Variants in MAGI1 observed in about 807,000 individuals in gnomAD.
MAGI1 encodes the protein membrane-associated guanylate kinase, WW and PDZ domain-containing protein 1.
MAGI1 carries 58 observed loss-of-function variants against 139.9 expected under a neutral mutation model. That is an observed-to-expected ratio of 0.41 (90% CI 0.34 to 0.52). The LOEUF is 0.52. Ranked by LOEUF, MAGI1 falls within the 20% of genes least tolerant of loss-of-function variation. The pLI is 0.12. For missense variants in MAGI1, 1,874 were observed against 1,901.6 expected (o/e 0.99, Z 0.27); for synonymous variants, 812 against 737.9 (o/e 1.10, Z -1.63).
intron 2 of MAGI1, among the ~76,000 whole-genome samples, chr3:65,524,179 T>C (rs973918073): frequency 6.6e-6 from 1 of 152,212 alleles, no homozygotes; most frequent in African/African-American, 2.4e-5. Context: ...ACGAACATTT[T>C]ACTATGTACT....
At chr3:65,671,001 A>AT (rs1331832934) in intron 1 of MAGI1, among the ~76,000 whole-genome samples, 2 of 152,208 alleles carry the variant, frequency 1.3e-5, no homozygotes, top group Admixed American at 1.3e-4. Flanking sequence ...AAACTCATGA[A>AT]TTGTAATGAT....
At chr3:65,817,672 A>G (rs1289009300) in intron 1 of MAGI1, among the ~76,000 whole-genome samples, 1 of 152,228 alleles carries the variant, frequency 6.6e-6, no homozygotes, top group Non-Finnish European at 1.5e-5. Context: ...GAAAATGTGT[A>G]AAATGTGCTC....
At chr3:65,696,682 A>C (rs1418863482) in intron 1 of MAGI1, among the ~76,000 whole-genome samples, 1 of 152,134 alleles carries the variant, frequency 6.6e-6, no homozygotes, top group Non-Finnish European at 1.5e-5. Context: ...CAATACAATA[A>C]AATAAAATAA....
At chr3:65,823,414 ATACATAG>A (rs2108263477) in intron 1 of MAGI1, among the ~76,000 whole-genome samples, 1 of 152,342 alleles carries the variant, frequency 6.6e-6, no homozygotes, top group South Asian at 2.1e-4. Flanking sequence ...ACAGTTCCTA[ATACATAG>A]TAGGAGCTCA....
intron 13 of MAGI1, among the ~76,000 whole-genome samples, chr3:65,393,870 C>T (rs375607200): frequency 1.3e-5 from 2 of 152,264 alleles, no homozygotes; most frequent in South Asian, 4.1e-4. Context: ...AGTTTCTGTT[C>T]CATTGTCTTC....
intron 14 of MAGI1, among the ~76,000 whole-genome samples, chr3:65,384,459 G>A (rs1166258384): frequency 6.6e-6 from 1 of 152,188 alleles, no homozygotes; most frequent in African/African-American, 2.4e-5. Flanking sequence ...TATATAGGAG[G>A]TGGGGTGCAG....
chr3:65,819,153 G>T (rs1044594900), intron 1 of MAGI1, among the ~76,000 whole-genome samples: 1 of 152,054 alleles, frequency 6.6e-6, no homozygotes, highest in Non-Finnish European at 1.5e-5. Context: ...GTGTGTTGGA[G>T]CATGCCTATA....
chr3:65,860,858 A>G (rs569459938), intron 1 of MAGI1, among the ~76,000 whole-genome samples: 2 of 152,178 alleles, frequency 1.3e-5, no homozygotes, highest in South Asian at 4.1e-4. Flanking sequence ...AACAAACAAT[A>G]ATCATTATTT....
intron 1 of MAGI1, among the ~76,000 whole-genome samples, chr3:65,931,425 C>T (rs1576123218): frequency 1.3e-5 from 2 of 152,162 alleles, no homozygotes; most frequent in South Asian, 2.1e-4. Context: ...AGGTCTAGAT[C>T]GAGACCCCTT....
Position 65,610,865 on chromosome 3 carries a change from T to TATATAGTAGATAGTA in MAGI1, c.430+11092_430+11106dup, listed in dbSNP as rs1359518023. 2.3e-3 allele frequency among the ~76,000 whole-genome samples: 324 copies of TATATAGTAGATAGTA among 139,660 alleles called. 5 individuals carry two copies. The highest frequency in any genetic ancestry group is 0.019 in the Admixed American group (258 of 13,422). 91.6% of individuals were successfully genotyped at this position (139,660 alleles called of 152,430 possible). ...TATATACTATATAGTACATATACACTATATAGTAGATAGTAATATAGTAGA... is the reference window on the plus strand; with the variant it reads ...TATATACTATATAGTACATATACACTATATAGTAGATAGTAATATAGTAGATAGTAATATAGTAGA... On this transcript the variant is annotated intron_variant, in intron 2 of 22. Transcript: ENST00000402939.
chr3:65,785,083 A>G (rs981335112), intron 1 of MAGI1, among the ~76,000 whole-genome samples: 12 of 152,332 alleles, frequency 7.9e-5, no homozygotes, highest in African/African-American at 2.9e-4. Flanking sequence ...ACTAAATTGT[A>G]CATGTTACAT....
chr3:65,888,330 T>C (rs965951317), intron 1 of MAGI1, among the ~76,000 whole-genome samples: 11 of 152,226 alleles, frequency 7.2e-5, no homozygotes, highest in Non-Finnish European at 4.4e-5. Context: ...AGGAAGACTA[T>C]GTCTTTCATC....
chr3:65,365,221 C>A, intron 18 of MAGI1: 1 of 628,732 alleles, frequency 1.6e-6, no homozygotes. Flanking sequence ...CTCTAAAATT[C>A]TAGCCAAGGT....
chr3:65,733,865 T>C (rs7646312), intron 1 of MAGI1, among the ~76,000 whole-genome samples: 3,549 of 152,290 alleles, frequency 0.023, 159 homozygotes, highest in African/African-American at 0.08. Context: ...CTTCACATGT[T>C]TGTAGGAGGC....
intron 1 of MAGI1, among the ~76,000 whole-genome samples, chr3:65,939,262 A>G (rs2063198680): frequency 6.6e-6 from 1 of 152,126 alleles, no homozygotes; most frequent in Non-Finnish European, 1.5e-5. Flanking sequence ...GCAGGTTTCC[A>G]CATTTCTATT....
rs550429203 is a variant in MAGI1, at chr3:65,733,534, T to C, written c.314-111446A>G. On this transcript the variant is annotated intron_variant, in intron 1 of 22. Coordinates refer to ENST00000402939, the MANE Select transcript of MAGI1 (RefSeq NM_001033057.2). ...TCTAAGATTATCTGTCAGTGGCAAC[T>C]GCAATCCAAGAGAAAAACCAGAGAA... Among the ~76,000 whole-genome samples, 465 of 152,290 alleles carry C rather than the reference T, an allele frequency of 3.1e-3. 4 individuals are homozygous for C. Among genetic ancestry groups the C allele is most frequent in the African/African-American group, 0.01 (425 of 41,566 alleles).
intron 1 of MAGI1, among the ~76,000 whole-genome samples, chr3:65,889,800 C>T (rs546301931): frequency 6.6e-6 from 1 of 152,016 alleles, no homozygotes; most frequent in Admixed American, 6.5e-5. Context: ...GTAAGGCTTC[C>T]TGGAGGGGGA....
chr3:65,381,708 A>G (rs1319637651), intron 16 of MAGI1, among the ~76,000 whole-genome samples, 169 bp downstream of exon 16: 1 of 152,192 alleles, frequency 6.6e-6, no homozygotes, highest in Non-Finnish European at 1.5e-5. Flanking sequence ...TTAGAATGAC[A>G]GTAATTTTTG....
At chr3:65,626,471 T>G (rs1374113517) in intron 1 of MAGI1, among the ~76,000 whole-genome samples, 1 of 152,128 alleles carries the variant, frequency 6.6e-6, no homozygotes, top group East Asian at 1.9e-4. Flanking sequence ...ACTACAGGCA[T>G]GCACCATTAT....
Sources: allele counts gnomAD v4.1 joint callset (sites outside exome capture counted in the v4.1 genomes callset), GRCh38; gene constraint gnomAD v4.1.1; transcripts MANE v1.5; gene names NCBI Gene and HGNC (gene_info 2026-07-23, HGNC 2026-07-21).